The following BACE2 variants were observed in gnomAD, a reference collection of about 807,000 sequenced individuals.
The protein encoded by BACE2 is 56 kDa aspartic-like protease.
A neutral mutation model predicts 46.2 loss-of-function variants in BACE2; 17 were observed. That is an observed-to-expected ratio of 0.37 (90% CI 0.25 to 0.55). The LOEUF (loss-of-function observed/expected upper bound fraction) is 0.55, where lower values mean the gene tolerates loss of function less well. Ranked by LOEUF, BACE2 falls within the 20% of genes least tolerant of loss-of-function variation. The pLI is 0.82. For missense variants in BACE2, 595 were observed against 698.1 expected, an observed-to-expected ratio of 0.85 and a Z score of 1.66; for synonymous variants, 277 against 295.9, an observed-to-expected ratio of 0.94 and a Z score of 0.66.
chr21:41,270,113 T>C (rs2088419952), intron 8 of BACE2, among the ~76,000 whole-genome samples: 1 of 152,238 alleles, frequency 6.6e-6, no homozygotes, highest in African/African-American at 2.4e-5. Flanking sequence ...TTTCATGTAC[T>C]TTTTTGCCAT....
At chr21:41,266,284 T>C (rs992422573) in intron 8 of BACE2, among the ~76,000 whole-genome samples, 1 of 152,228 alleles carries the variant, frequency 6.6e-6, no homozygotes, top group Non-Finnish European at 1.5e-5. Flanking sequence ...CGTTGTTCTA[T>C]TTTTCCATCA....
chr21:41,279,109 A>G lies in BACE2; in HGVS notation c.*3485A>G, dbSNP rs1277451090. ...GCCAAGAGAGGTACTAGATTTTTTT[A>G]ATGCCGAGAAAAGTCCATGCCACAG... is the stretch of plus-strand genomic sequence containing the variant. On this transcript the variant is annotated 3_prime_UTR_variant, in exon 9 of 9. Transcript: ENST00000330333. The G allele has an allele frequency of 6.6e-6, 1 of 152,116 alleles. No individual in the cohort carries two copies. The highest frequency in any genetic ancestry group is 1.5e-5 in the Non-Finnish European group (1 of 68,006). The allele number at this position is 152,116 out of a possible 1,614,324, so 9.4% of individuals were successfully genotyped here.
At chr21:41,244,695 T>G (rs1309262583) in intron 5 of BACE2, among the ~76,000 whole-genome samples, 1 of 152,194 alleles carries the variant, frequency 6.6e-6, no homozygotes, top group Non-Finnish European at 1.5e-5. Context: ...AAGATGGCAA[T>G]GGCATAGCTT....
intron 1 of BACE2, among the ~76,000 whole-genome samples, chr21:41,192,284 A>T (rs957641998): frequency 3.9e-5 from 6 of 152,320 alleles, no homozygotes; most frequent in Middle Eastern, 3.4e-3. Context: ...GCTAAGGGAG[A>T]GAAGGCAGGG....
intron 1 of BACE2, among the ~76,000 whole-genome samples, chr21:41,218,861 C>T (rs1986553433): frequency 7.0e-6 from 1 of 143,548 alleles, no homozygotes; most frequent in Non-Finnish European, 1.5e-5. Flanking sequence ...CCCTTCCAAA[C>T]ATCTTGACTT....
chr21:41,208,682 G>A (rs1986206745), intron 1 of BACE2, among the ~76,000 whole-genome samples: 2 of 152,122 alleles, frequency 1.3e-5, no homozygotes, highest in Admixed American at 6.5e-5. Context: ...AAGGGTATGA[G>A]GGCTCAGGGG....
At chr21:41,233,583 A>G (rs1601292667) in intron 2 of BACE2, among the ~76,000 whole-genome samples, 3 of 152,258 alleles carry the variant, frequency 2.0e-5, no homozygotes, top group Admixed American at 2.0e-4. Context: ...CAAATTCTAC[A>G]GAGTTTTCTA....
At chr21:41,170,157 A>G (rs1984552648) in intron 1 of BACE2, among the ~76,000 whole-genome samples, 1 of 152,012 alleles carries the variant, frequency 6.6e-6, no homozygotes, top group Non-Finnish European at 1.5e-5. Context: ...CTCCCTCCAG[A>G]GCAAAGGGGA....
chr21:41,223,376 A>G (rs1986715154), intron 1 of BACE2, among the ~76,000 whole-genome samples: 1 of 151,450 alleles, frequency 6.6e-6, no homozygotes, highest in Admixed American at 6.6e-5. Flanking sequence ...AACCCCAGGA[A>G]TGTATTCTTT....
At chr21:41,238,142 C>T (rs776931108) in intron 3 of BACE2, among the ~76,000 whole-genome samples, 18 of 152,100 alleles carry the variant, frequency 1.2e-4, no homozygotes, top group Non-Finnish European at 2.2e-4. Flanking sequence ...TGGTGCCCTC[C>T]GCCAGGCTGG....
At chr21:41,190,418 G>A (rs115747375) in intron 1 of BACE2, among the ~76,000 whole-genome samples, 2,743 of 152,198 alleles carry the variant, frequency 0.018, 72 homozygotes, top group African/African-American at 0.061. Context: ...AAAGGAAAAA[G>A]GAAATAAAAT....
At chr21:41,222,981 C>T (rs900685796) in intron 1 of BACE2, among the ~76,000 whole-genome samples, 4 of 152,196 alleles carry the variant, frequency 2.6e-5, no homozygotes, top group Non-Finnish European at 2.9e-5. Flanking sequence ...ATTCGGGACA[C>T]GCCAGGCGTG....
intron 1 of BACE2, chr21:41,179,767 G>T: frequency 4.1e-6 from 3 of 734,744 alleles, no homozygotes; most frequent in Non-Finnish European, 6.2e-6. Context: ...GGGTGGGGTG[G>T]AGAAGACCAC....
chr21:41,266,181 T>C (rs1159254570), intron 8 of BACE2, among the ~76,000 whole-genome samples: 1 of 152,234 alleles, frequency 6.6e-6, no homozygotes, highest in Non-Finnish European at 1.5e-5. Flanking sequence ...TTTTCTTTTA[T>C]GAACTTTTGA....
rs537939076 is a variant in BACE2 at position 41,214,466 on chromosome 21, T to C, written c.313-11800T>C. On this transcript the variant is annotated intron_variant, in intron 1 of 8. Transcript: ENST00000330333. ...GCAGGGCTGCTGGAACTGGGGCATA[T>C]TGTCAAGGAAGTCTATGCCAAAGAC... Among the ~76,000 whole-genome samples the C allele has an allele frequency of 6.6e-5, 10 of 152,324 alleles. No homozygotes were observed. The East Asian group carries it at 1.7e-3, about 26-fold the overall frequency.
At chr21:41,179,165 G>C in intron 1 of BACE2, 1 of 1,251,526 alleles carries the variant, frequency 8.0e-7, no homozygotes, top group Admixed American at 2.5e-5. Context: ...CCAGGGTGAG[G>C]AGTGAGGGTG....
Position 41,216,560 on chromosome 21 carries a change from G to A in BACE2, c.313-9706G>A, listed in dbSNP as rs956158948. 3.9e-5 allele frequency among the ~76,000 whole-genome samples: 6 copies of A among 152,360 alleles called. No individual in the cohort carries two copies. The South Asian group carries it at 1.0e-3, about 26-fold the overall frequency. The stretch of plus-strand genomic sequence containing the variant: ...TTGTGTTCCCTGCCTCTGCGGAGGA[G>A]TGACACCCCCTGAGAGGCAGGACCG... On this transcript the variant is annotated intron_variant, in intron 1 of 8. Coordinates refer to ENST00000330333, the MANE Select transcript of BACE2 (RefSeq NM_012105.5).
intron 8 of BACE2, among the ~76,000 whole-genome samples, chr21:41,267,129 C>T (rs925209688): frequency 6.6e-6 from 1 of 152,168 alleles, no homozygotes; most frequent in Non-Finnish European, 1.5e-5. Flanking sequence ...CCAGCGAAGG[C>T]ACAGCAGGAT....
intron 1 of BACE2, 52 bp from the exon 2 acceptor site, chr21:41,226,214 A>C (rs904304165): frequency 2.1e-6 from 3 of 1,431,090 alleles, no homozygotes; most frequent in African/African-American, 2.8e-5. Flanking sequence ...GTATTGCCTT[A>C]TTAAAATAAC....
Sources: gnomAD v4.1 joint callset for allele counts (sites outside exome capture counted in the v4.1 genomes callset) on GRCh38, gnomAD v4.1.1 for gene constraint, MANE v1.5 for transcripts, NCBI Gene and HGNC (gene_info 2026-07-23, HGNC 2026-07-21) for gene names.